The following VCL variants were observed in gnomAD, a reference collection of about 807,000 sequenced individuals.
VCL encodes epididymis luminal protein 114.
VCL carries 47 observed loss-of-function variants against 125.7 expected under a neutral mutation model. That is an observed-to-expected ratio of 0.37 (90% CI 0.30 to 0.48). VCL has a LOEUF of 0.48. Ranked by LOEUF, VCL falls within the 20% of genes least tolerant of loss-of-function variation. The pLI is 0.99. For synonymous variants in VCL, 458 were observed against 514.6 expected (o/e 0.89, Z 1.49); for missense variants, 1,069 against 1,455.5 (o/e 0.73, Z 4.32).
intron 21 of VCL, among the ~76,000 whole-genome samples, chr10:74,117,274 T>C (rs776289746): frequency 1.3e-5 from 2 of 152,184 alleles, no homozygotes; most frequent in Non-Finnish European, 2.9e-5. Context: ...AATGTTAGTA[T>C]GAAGACAGAA....
chr10:74,021,143 A>C (rs973596058), intron 1 of VCL, among the ~76,000 whole-genome samples: 8 of 152,020 alleles, frequency 5.3e-5, no homozygotes, highest in African/African-American at 1.9e-4. Context: ...GAATGGGCCC[A>C]GTGCAGATGT....
At chr10:74,004,962 C>T (rs1440632075) in intron 1 of VCL, among the ~76,000 whole-genome samples, 2 of 152,126 alleles carry the variant, frequency 1.3e-5, no homozygotes, top group East Asian at 3.9e-4. Context: ...TCCTCGGCCT[C>T]CCAAAGTGCT....
chr10:74,114,955 A>AATTT, intron 21 of VCL, 56 bp downstream of exon 21: 3 of 1,493,702 alleles, frequency 2.0e-6, no homozygotes, highest in Non-Finnish European at 2.7e-6. Flanking sequence ...GTTTTGCAGT[A>AATTT]ATTTAACTCT....
chr10:74,060,080 T>C (rs1178807118), intron 2 of VCL, among the ~76,000 whole-genome samples: 1 of 152,178 alleles, frequency 6.6e-6, no homozygotes, highest in Admixed American at 6.5e-5. Flanking sequence ...GAGGATCACT[T>C]GAGCCCAGGA....
rs192684061 is a variant in VCL at position 74,051,861 on chromosome 10, G to A, written c.239+8708G>A. On this transcript the variant is annotated intron_variant, in intron 2 of 21. Transcript: ENST00000211998. ...GAAAGAATTCAAGAGCTAGCCAGTG[G>A]TGTTAGCAACTTTTATTGAAGCAGC... Among the ~76,000 whole-genome samples the A allele has an allele frequency of 1.5e-3, 223 of 152,302 alleles. 4 individuals are homozygous for A. The highest frequency in any genetic ancestry group is 6.5e-4 in the Admixed American group (10 of 15,286).
At chr10:74,001,902 G>A (rs1012926299) in intron 1 of VCL, among the ~76,000 whole-genome samples, 1 of 152,102 alleles carries the variant, frequency 6.6e-6, no homozygotes, top group Admixed American at 6.5e-5. Flanking sequence ...TCAAGAAAGT[G>A]TACATTTTGA....
intron 15 of VCL, among the ~76,000 whole-genome samples, chr10:74,104,703 A>G (rs75524282): frequency 1.3e-5 from 2 of 152,170 alleles, no homozygotes; most frequent in East Asian, 3.9e-4. Flanking sequence ...GGACAGGGAG[A>G]AAATATTATT....
chr10:74,082,765 T>A (rs977049741), intron 7 of VCL, among the ~76,000 whole-genome samples: 1 of 152,134 alleles, frequency 6.6e-6, no homozygotes, highest in Non-Finnish European at 1.5e-5. Flanking sequence ...GAGGAGTAAG[T>A]CATACTGAGC....
At chr10:74,035,090 A>G (rs1224026099) in intron 1 of VCL, among the ~76,000 whole-genome samples, 1 of 152,190 alleles carries the variant, frequency 6.6e-6, no homozygotes, top group Non-Finnish European at 1.5e-5. Flanking sequence ...TTTTAATGTA[A>G]TGTTCTTTAG....
chr10:74,037,994 CTTTTCTTTTTTT>C (rs1311466834), intron 1 of VCL, among the ~76,000 whole-genome samples: 1 of 118,612 alleles, frequency 8.4e-6, no homozygotes, highest in Admixed American at 9.9e-5. Context: ...TTTTTCTTTT[CTTTTCTTTTTTT>C]TTTTTTTTTG....
rs1201186492 is a variant in VCL at position 74,071,718 on chromosome 10, C to T, written c.499+635C>T. Among the ~76,000 whole-genome samples, 1 of 152,160 alleles carries T rather than the reference C, an allele frequency of 6.6e-6. No individual in the cohort carries two copies. The highest frequency in any genetic ancestry group is 1.5e-5 in the Non-Finnish European group (1 of 68,018). ...TATGTTAGATGTTTAACCTGCTTAA[C>T]TTGATTGTTATCACTTTATAAAATT... On this transcript the variant is annotated intron_variant, in intron 4 of 21. Transcript: ENST00000211998. The surrounding 1 kb of genome is among the most constrained non-coding windows in gnomAD (Gnocchi z 4.1).
chr10:74,084,338 C>G (rs551393190), intron 8 of VCL, among the ~76,000 whole-genome samples: 1 of 151,984 alleles, frequency 6.6e-6, no homozygotes, highest in Non-Finnish European at 1.5e-5. Flanking sequence ...GTCACCCGGG[C>G]TGGCATGCAG....
chr10:74,065,811 A>G (rs931980003), intron 2 of VCL, among the ~76,000 whole-genome samples: 4 of 152,130 alleles, frequency 2.6e-5, no homozygotes, highest in Non-Finnish European at 2.9e-5. Flanking sequence ...GAAGTATTCA[A>G]TTGATAAAAC....
At chr10:74,009,360 GC>G (rs1189268356) in intron 1 of VCL, among the ~76,000 whole-genome samples, 1 of 151,924 alleles carries the variant, frequency 6.6e-6, no homozygotes, top group Non-Finnish European at 1.5e-5. Flanking sequence ...CCGGGTTCAC[GC>G]CATTCTCCCA....
At position 74,039,479 on chromosome 10, in the gene VCL, T is replaced by C. The variant is rs529856500; in HGVS notation, c.169-3604T>C. Among the ~76,000 whole-genome samples the C allele has an allele frequency of 5.9e-5, 9 of 151,858 alleles. No homozygotes were observed. In the East Asian group the frequency reaches 1.7e-3, roughly 29 times the overall value. On this transcript the variant is annotated intron_variant, in intron 1 of 21. Coordinates refer to ENST00000211998, the MANE Select transcript of VCL (RefSeq NM_014000.3). ...CCTCACCACCTAAAAATAGGCAAAA[T>C]GACCTTTTAAAAAGAAAATCAGGCC...
chr10:74,002,661 A>T (rs1397748750), intron 1 of VCL, among the ~76,000 whole-genome samples: 1 of 151,574 alleles, frequency 6.6e-6, no homozygotes, highest in Non-Finnish European at 1.5e-5. Flanking sequence ...AGGCGGGCTG[A>T]TCACGAGGTC....
chr10:74,116,701 A>G (rs1229446300), intron 21 of VCL, among the ~76,000 whole-genome samples: 2 of 150,754 alleles, frequency 1.3e-5, no homozygotes. Flanking sequence ...AAAAAAAATA[A>G]TAATAAAATA....
intron 8 of VCL, 34 bp from the exon 9 acceptor site, chr10:74,089,162 G>T: frequency 6.2e-7 from 1 of 1,613,490 alleles, no homozygotes; most frequent in East Asian, 2.2e-5. Context: ...GTATTTGAGG[G>T]TGTACAATGA....
At chr10:74,083,879 G>C (rs1839721771) in intron 8 of VCL, among the ~76,000 whole-genome samples, 1 of 150,592 alleles carries the variant, frequency 6.6e-6, no homozygotes, top group Admixed American at 6.6e-5. Flanking sequence ...TTGTTTGTTT[G>C]TTTGTTTGAG....
Sources: gnomAD v4.1 joint callset for allele counts (sites outside exome capture counted in the v4.1 genomes callset) on GRCh38, gnomAD v4.1.1 for gene constraint, Gnocchi (gnomAD v3.1) non-coding constraint, MANE v1.5 for transcripts, NCBI Gene and HGNC (gene_info 2026-07-23, HGNC 2026-07-21) for gene names.